The following SNRPN variants were observed in gnomAD, a reference collection of about 807,000 sequenced individuals.
SNRPN encodes the protein small nuclear ribonucleoprotein-associated protein N.
Under a neutral mutation model 25.2 loss-of-function variants are expected in SNRPN, and 7 were observed. The ratio of observed to expected loss-of-function variants is 0.28; its 90% confidence interval spans 0.16 to 0.52. The LOEUF is 0.52. Ranked by LOEUF, SNRPN falls within the 20% of genes least tolerant of loss-of-function variation. The probability of loss-of-function intolerance (pLI) is 0.96; values close to 1 mark genes in which losing one functional copy is unlikely to be tolerated. For missense variants in SNRPN, 196 were observed against 322.5 expected, an observed-to-expected ratio of 0.61 and a Z score of 3.00; for synonymous variants, 124 against 110.6, an observed-to-expected ratio of 1.12 and a Z score of -0.76.
intron 1 of SNRPN, among the ~76,000 whole-genome samples, chr15:24,869,151 A>C (rs2054859308): frequency 1.3e-5 from 2 of 152,142 alleles, no homozygotes; most frequent in Admixed American, 1.3e-4. Flanking sequence ...TCTCAAAAAA[A>C]ATGGGGATAT....
rs73354191 is a variant in SNRPN at position 24,966,269 on chromosome 15, G to C, written c.-294-1663G>C. 2.7e-3 allele frequency among the ~76,000 whole-genome samples: 408 copies of C among 149,442 alleles called. 1 individual carries two copies. Among genetic ancestry groups the C allele is most frequent in the African/African-American group, 9.9e-3 (388 of 39,014 alleles). On this transcript the variant is annotated intron_variant, in intron 2 of 9. Coordinates refer to ENST00000390687, the MANE Select transcript of SNRPN (RefSeq NM_003097.6). ...TAAATGACTAGTAGATCTCAAGAAA[G>C]TGCTATACTTACTAGTTTTTTTTAT...
chr15:24,831,986 C>A (rs926563780), intron 2 of SNRPN, among the ~76,000 whole-genome samples: 1 of 151,696 alleles, frequency 6.6e-6, no homozygotes, highest in Non-Finnish European at 1.5e-5. Flanking sequence ...TCTCCCAAGG[C>A]AGATTTTATT....
chr15:24,854,141 C>G (rs1595474415), upstream of SNRPN, among the ~76,000 whole-genome samples: 2 of 152,118 alleles, frequency 1.3e-5, no homozygotes, highest in South Asian at 4.1e-4. Context: ...GCTACTATAT[C>G]ATTTTCGTAT....
At chr15:24,882,197 G>A (rs2149701467) in intron 1 of SNRPN, among the ~76,000 whole-genome samples, 1 of 151,758 alleles carries the variant, frequency 6.6e-6, no homozygotes, top group African/African-American at 2.4e-5. Context: ...GTTTTTTCCA[G>A]GCTTGTAATC....
At chr15:24,964,094 AT>A (rs141844738) in intron 2 of SNRPN, among the ~76,000 whole-genome samples, 7 of 150,114 alleles carry the variant, frequency 4.7e-5, no homozygotes, top group Non-Finnish European at 7.4e-5. Flanking sequence ...GAGGGTAAAG[AT>A]TTTTTTTTTA....
chr15:24,970,041 T>G (rs2076201688), intron 3 of SNRPN, among the ~76,000 whole-genome samples: 1 of 152,080 alleles, frequency 6.6e-6, no homozygotes, highest in East Asian at 1.9e-4. Context: ...AACACCAAAG[T>G]GGGGGCCAGT....
intron 3 of SNRPN, chr15:24,920,439 G>C (rs999538999): frequency 2.0e-5 from 3 of 152,084 alleles, no homozygotes; most frequent in African/African-American, 7.2e-5. Flanking sequence ...TAAACACAGC[G>C]TGCAAGCTCC....
At position 24,850,915 on chromosome 15, in the gene SNRPN, AT is replaced by A. The variant is rs200741145; in HGVS notation, c.-579+21020del. The A allele has an allele frequency of 1.5e-4, 22 of 148,684 alleles. No individual in the cohort carries two copies. The Middle Eastern group carries it at 0.01, about 69-fold the overall frequency. The allele number at this position is 148,684 out of a possible 1,614,324, so 9.2% of individuals were successfully genotyped here. A position where few individuals can be genotyped will look rare whatever the true frequency, so the allele number is the denominator to read the frequency against. On this transcript the variant is annotated intron_variant, in intron 2 of 12. Coordinates refer to the SNRPN transcript ENST00000400100. The stretch of plus-strand genomic sequence containing the variant: ...GAAACCATATCTGTGAGGAGTTTTT[AT>A]TTTTTTTTTGTTTTCTTTTTTTGAA...
chr15:24,935,776 G>GA (rs1433391127), intron 3 of SNRPN, among the ~76,000 whole-genome samples: 1 of 152,062 alleles, frequency 6.6e-6, no homozygotes, highest in East Asian at 1.9e-4. Context: ...CTTGCTTCTG[G>GA]AAAAAGTGGA....
intron 3 of SNRPN, among the ~76,000 whole-genome samples, chr15:24,938,799 G>T (rs1248564266): frequency 2.6e-5 from 4 of 152,156 alleles, no homozygotes; most frequent in Non-Finnish European, 5.9e-5. Flanking sequence ...TACAGGGATG[G>T]TCTCTAGTGA....
Position 24,909,121 on chromosome 15 carries a change from G to A in SNRPN, c.-504-10890G>A. The stretch of plus-strand genomic sequence containing the variant: ...CTTCCTTATACATTTCCTCCATCAT[G>A]TCTGGAGTTACCCTGTTCTTTATGT... On this transcript the variant is annotated intron_variant, in intron 2 of 11. Coordinates refer to the SNRPN transcript ENST00000400097. 3 of 1,340,170 alleles carry A rather than the reference G, an allele frequency of 2.2e-6. No homozygotes were observed. The South Asian group carries it at 3.5e-5, about 16-fold the overall frequency. The allele number at this position is 1,340,170 out of a possible 1,614,324, so 83.0% of individuals were successfully genotyped here. A position where few individuals can be genotyped will look rare whatever the true frequency, so the allele number is the denominator to read the frequency against.
intron 2 of SNRPN, among the ~76,000 whole-genome samples, chr15:24,835,731 G>A (rs1250958116): frequency 6.6e-6 from 1 of 152,122 alleles, no homozygotes; most frequent in Non-Finnish European, 1.5e-5. Context: ...AACGTACCAT[G>A]GGGAAGAAAG....
chr15:24,854,660 T>C (rs1188229590), upstream of SNRPN, among the ~76,000 whole-genome samples: 1 of 152,220 alleles, frequency 6.6e-6, no homozygotes, highest in Non-Finnish European at 1.5e-5. Context: ...GTTGTACTTT[T>C]GTTATTTCTA....
At chr15:24,864,488 C>T (rs1310752533) in intron 1 of SNRPN, among the ~76,000 whole-genome samples, 2 of 151,196 alleles carry the variant, frequency 1.3e-5, no homozygotes, top group African/African-American at 4.9e-5. Flanking sequence ...GGATTACAGG[C>T]GCCCGCCACC....
rs962446257 is a variant in SNRPN, at chr15:24,910,454, AAC to A, written c.-504-9555_-504-9554del. Among the ~76,000 whole-genome samples the A allele has an allele frequency of 1.3e-4, 20 of 152,232 alleles. No homozygotes were observed. In the Middle Eastern group the frequency reaches 0.01, roughly 78 times the overall value. ...GCTATGATCGTACCACAGTCTGGGC[AAC>A]AGAGTGAGATCCCATCTCAAAAAAA... is the stretch of plus-strand genomic sequence containing the variant. On this transcript the variant is annotated intron_variant, in intron 2 of 11. Transcript: ENST00000400097.
intron 2 of SNRPN, among the ~76,000 whole-genome samples, chr15:24,912,065 C>T (rs1008872466): frequency 2.6e-5 from 4 of 152,228 alleles, no homozygotes; most frequent in Non-Finnish European, 5.9e-5. Flanking sequence ...CTGACTCTCA[C>T]ACCTCAAGAT....
intron 3 of SNRPN, among the ~76,000 whole-genome samples, chr15:24,939,578 G>A (rs945801504): frequency 1.3e-5 from 2 of 151,948 alleles, no homozygotes; most frequent in African/African-American, 4.8e-5. Context: ...GATTACAGAT[G>A]TGCACCACCA....
Position 24,909,157 on chromosome 15 carries a change from C to T in SNRPN, c.-504-10854C>T. On this transcript the variant is annotated intron_variant, in intron 2 of 11. Transcript: ENST00000400097. ...CCCTGTTCTTTATGTATTGAGAGAA[C>T]TGTTTCTTGTAAGCATTTTCATCTT... is the stretch of plus-strand genomic sequence containing the variant. 2.2e-6 allele frequency: 3 copies of T among 1,392,354 alleles called. No individual in the cohort carries two copies. In the South Asian group the frequency reaches 3.5e-5, roughly 16 times the overall value. The allele number at this position is 1,392,354 out of a possible 1,614,324, so 86.2% of individuals were successfully genotyped here. A position where few individuals can be genotyped will look rare whatever the true frequency, so the allele number is the denominator to read the frequency against.
At chr15:24,966,635 C>CT (rs1192998579) in intron 2 of SNRPN, among the ~76,000 whole-genome samples, 1 of 152,134 alleles carries the variant, frequency 6.6e-6, no homozygotes. Flanking sequence ...AGGGACCCAC[C>CT]TTGAGTAACA....
Sources: allele counts gnomAD v4.1 joint callset (sites outside exome capture counted in the v4.1 genomes callset), GRCh38; gene constraint gnomAD v4.1.1; transcripts MANE v1.5; gene names NCBI Gene and HGNC (gene_info 2026-07-23, HGNC 2026-07-21).